Variants in ERBIN observed in about 807,000 individuals in gnomAD.
ERBIN encodes densin-180-like protein.
In ERBIN, 60 loss-of-function variants were observed where a neutral mutation model predicts 158.4. The ratio of observed to expected loss-of-function variants is 0.38; its 90% CI spans 0.31 to 0.47. ERBIN has a LOEUF of 0.47. Among genes scored for constraint, ERBIN ranks in the 20% least tolerant of loss-of-function variants. ERBIN has a pLI of 0.99. For missense variants in ERBIN, 1,610 were observed against 1,648.0 expected, an observed-to-expected ratio of 0.98 and a Z score of 0.40; for synonymous variants, 594 against 557.2, an observed-to-expected ratio of 1.07 and a Z score of -0.93.
chr5:66,016,865 T>C (rs1754796401), intron 7 of ERBIN, among the ~76,000 whole-genome samples: 1 of 152,112 alleles, frequency 6.6e-6, no homozygotes, highest in South Asian at 2.1e-4. Flanking sequence ...CCCGCCCTCC[T>C]CGGCTTCCCA....
chr5:66,041,349 C>G (rs1009514727), intron 15 of ERBIN, among the ~76,000 whole-genome samples: 1 of 151,916 alleles, frequency 6.6e-6, no homozygotes, highest in African/African-American at 2.4e-5. Flanking sequence ...TTGAGGACAT[C>G]AAGGAATTAT....
chr5:65,959,670 T>A (rs1201947431), intron 1 of ERBIN, among the ~76,000 whole-genome samples: 1 of 152,238 alleles, frequency 6.6e-6, no homozygotes, highest in Non-Finnish European at 1.5e-5. Flanking sequence ...CATCTGGTTC[T>A]CAAATCGTAT....
At chr5:65,957,143 A>G (rs187760190) in intron 1 of ERBIN, among the ~76,000 whole-genome samples, 1 of 152,254 alleles carries the variant, frequency 6.6e-6, no homozygotes, top group East Asian at 1.9e-4. Flanking sequence ...ACATATGTCT[A>G]GGTGTATTTT....
chr5:66,054,879 A>T lies in ERBIN; in HGVS notation c.3561A>T (p.Pro1187=), dbSNP rs1759437995. Residue 1187 remains proline (P), a synonymous_variant, in exon 21 of 26, where the codon CCA becomes CCT. Coordinates refer to ENST00000284037, the MANE Select transcript of ERBIN (RefSeq NM_001253697.2). ...CTGAGCATTCTTTATTAGATCCTCCAGGAAAAAGTAAAGTTCCTCGTGACT... is the reference window on the plus strand; with the variant it reads ...CTGAGCATTCTTTATTAGATCCTCCTGGAAAAAGTAAAGTTCCTCGTGACT... ...VGSEHSLLDP[P]GKSKVPRDWR... is the part of the protein sequence containing the mutation. The T allele has an allele frequency of 6.2e-7, 1 of 1,614,074 alleles. No homozygotes were observed. The highest frequency in any genetic ancestry group is 1.7e-5 in the Admixed American group (1 of 59,998).
At chr5:66,037,677 T>TA (rs1281191818) in intron 14 of ERBIN, among the ~76,000 whole-genome samples, 5 of 152,068 alleles carry the variant, frequency 3.3e-5, no homozygotes, top group Non-Finnish European at 7.4e-5. Context: ...GAGAATTGGG[T>TA]AGTTCTCTGT....
At chr5:66,047,622 G>A (rs999610345) in intron 18 of ERBIN, among the ~76,000 whole-genome samples, 6 of 151,948 alleles carry the variant, frequency 3.9e-5, no homozygotes, top group African/African-American at 1.4e-4. Flanking sequence ...GCTACAAGTG[G>A]CTATTTAAGT....
chr5:66,040,684 T>C (rs1757836231), intron 15 of ERBIN, among the ~76,000 whole-genome samples: 1 of 151,710 alleles, frequency 6.6e-6, no homozygotes. Flanking sequence ...AGTCAAAAAA[T>C]ATTATGTGTT....
At chr5:65,929,013 G>T (rs753786068) in intron 1 of ERBIN, among the ~76,000 whole-genome samples, 15 of 152,142 alleles carry the variant, frequency 9.9e-5, no homozygotes, top group African/African-American at 1.4e-4. Context: ...GTTTATTGAA[G>T]GTAATCATGA....
intron 1 of ERBIN, among the ~76,000 whole-genome samples, chr5:65,974,326 T>C (rs1749620838): frequency 6.6e-6 from 1 of 152,230 alleles, no homozygotes; most frequent in African/African-American, 2.4e-5. Context: ...ACTTTGCGTC[T>C]AAGACTTCTT....
chr5:66,010,626 A>G (rs981722110), intron 4 of ERBIN, among the ~76,000 whole-genome samples: 1 of 149,674 alleles, frequency 6.7e-6, no homozygotes, highest in African/African-American at 2.6e-5. Flanking sequence ...CTGACATTCT[A>G]TATATGATAT....
chr5:65,990,313 A>G (rs1359134292), intron 2 of ERBIN, among the ~76,000 whole-genome samples: 2 of 152,238 alleles, frequency 1.3e-5, no homozygotes, highest in Non-Finnish European at 2.9e-5. Flanking sequence ...TGTAGTGACG[A>G]TGGAATGAGA....
chr5:66,069,066 A>G (rs1320761444), intron 21 of ERBIN: 2 of 1,412,668 alleles, frequency 1.4e-6, no homozygotes, highest in African/African-American at 1.4e-5. Flanking sequence ...TAGAAGAGAA[A>G]ACCCCAAATT....
intron 13 of ERBIN, 93 bp downstream of exon 13, chr5:66,026,510 T>C: frequency 1.8e-6 from 1 of 558,250 alleles, no homozygotes. Context: ...AGCTAGTGCT[T>C]GTTGCTCTTT....
chr5:66,039,347 T>C (rs1757721325), intron 15 of ERBIN, among the ~76,000 whole-genome samples: 1 of 151,930 alleles, frequency 6.6e-6, no homozygotes, highest in African/African-American at 2.4e-5. Context: ...TAAGGGATGC[T>C]TAACTTACGC....
At chr5:65,959,985 C>A (rs1460257369) in intron 1 of ERBIN, among the ~76,000 whole-genome samples, 1 of 152,164 alleles carries the variant, frequency 6.6e-6, no homozygotes, top group African/African-American at 2.4e-5. Context: ...TACATCAGTT[C>A]CACTCCTAGG....
intron 1 of ERBIN, among the ~76,000 whole-genome samples, chr5:65,940,384 CG>C (rs1186522368): frequency 1.4e-5 from 2 of 143,256 alleles, no homozygotes; most frequent in Non-Finnish European, 3.0e-5. Flanking sequence ...GGAGCATCTC[CG>C]CCCGGCAGCC....
Position 66,080,369 on chromosome 5 carries a change from T to C in ERBIN, c.*1839T>C, listed in dbSNP as rs373944725. The C allele has an allele frequency of 2.6e-5, 4 of 152,506 alleles. No individual in the cohort carries two copies. In the East Asian group the frequency reaches 7.7e-4, roughly 29 times the overall value. 9.4% of individuals were successfully genotyped at this position (152,506 alleles called of 1,614,324 possible). A position where few individuals can be genotyped will look rare whatever the true frequency, so the allele number is the denominator to read the frequency against. Reference sequence around the variant, plus strand: ...ACAACTCTTTGTAAATTTTAACTCATTTTAGTTGATTTTCAGTACTATTTA... The same window carrying C: ...ACAACTCTTTGTAAATTTTAACTCACTTTAGTTGATTTTCAGTACTATTTA... On this transcript the variant is annotated 3_prime_UTR_variant, in exon 26 of 26. Coordinates refer to ENST00000284037, the MANE Select transcript of ERBIN (RefSeq NM_001253697.2).
chr5:65,939,693 T>C lies in ERBIN; in HGVS notation c.-58+12887T>C, dbSNP rs1035459166. 5.9e-5 allele frequency among the ~76,000 whole-genome samples: 9 copies of C among 152,290 alleles called. 1 individual carries two copies. Among genetic ancestry groups the C allele is most frequent in the African/African-American group, 1.9e-4 (8 of 41,572 alleles). The stretch of plus-strand genomic sequence containing the variant: ...TGCCGAGTGCCTGCGATTGCAGGCG[T>C]GCGCCACCACGCCTGACTGGTTTTC... On this transcript the variant is annotated intron_variant, in intron 1 of 25. Coordinates refer to ENST00000284037, the MANE Select transcript of ERBIN (RefSeq NM_001253697.2).
intron 14 of ERBIN, among the ~76,000 whole-genome samples, chr5:66,037,856 C>A (rs538365151): frequency 6.6e-6 from 1 of 152,106 alleles, no homozygotes; most frequent in African/African-American, 2.4e-5. Context: ...GAGTGACTTA[C>A]TGGTGTCATT....
Sources: allele counts gnomAD v4.1 joint callset (sites outside exome capture counted in the v4.1 genomes callset), GRCh38; gene constraint gnomAD v4.1.1; transcripts MANE v1.5; gene names NCBI Gene and HGNC (gene_info 2026-07-23, HGNC 2026-07-21).